Variants in GSTO2 observed in about 807,000 individuals in gnomAD.
GSTO2 encodes glutathione S-transferase omega 2.
Under a neutral mutation model 28.4 loss-of-function variants are expected in GSTO2, and 23 were observed. The observed-to-expected ratio is 0.81, with a 90% CI of 0.58 to 1.15. The LOEUF is 1.15. GSTO2 is among the 50% of genes most tolerant of loss of function. The pLI is 0.00. For synonymous variants in GSTO2, 109 were observed against 111.0 expected (o/e 0.98, Z 0.11); for missense variants, 298 against 297.8 (o/e 1.00, Z 0.00).
rs1457574184 is a variant in GSTO2, at chr10:104,278,115, A to G, written c.365A>G (p.Lys122Arg). ...AAGATGTTATTGGAGCTATTTTGTA[A>G]GGTATATTCAATTTAAAAAGTCACT... ...RQKMLLELFCKVPHLTKECLV... is the reference protein window; with the variant it reads ...RQKMLLELFCRVPHLTKECLV... The change falls in exon 4 of 7, where the codon AAG becomes AGG. Residue 122 changes from lysine (K) to arginine (R), a missense_variant and splice_region_variant. Physicochemically the swap from Lys to Arg is conservative, Grantham distance 26. Coordinates refer to ENST00000338595, the MANE Select transcript of GSTO2 (RefSeq NM_183239.2). 6.2e-7 allele frequency: 1 copy of G among 1,611,232 alleles called. No homozygotes were observed. Among genetic ancestry groups the G allele is most frequent in the Admixed American group, 1.7e-5 (1 of 59,996 alleles).
intron 5 of GSTO2, among the ~76,000 whole-genome samples, chr10:104,290,511 A>G (rs533451563): frequency 6.6e-6 from 1 of 152,172 alleles, no homozygotes; most frequent in African/African-American, 2.4e-5. Flanking sequence ...TCTCAAAAAA[A>G]AAAAAGAAAA....
At position 104,279,486 on chromosome 10, in the gene GSTO2, C is replaced by A. The variant is rs537953127; in HGVS notation, c.468+15C>A. On this transcript the variant is annotated intron_variant, in intron 5 of 6. Transcript: ENST00000338595. ...ACCTGGAAGAGGTACAAAAAGGGGT[C>A]CCTCTCCTGGTCAGCTACAGTGGAG... 15 of 1,581,338 alleles carry A rather than the reference C, an allele frequency of 9.5e-6. No homozygotes were observed. The highest frequency in any genetic ancestry group is 1.3e-5 in the Non-Finnish European group (15 of 1,150,480).
At chr10:104,282,940 A>T (rs1017152675) in intron 5 of GSTO2, among the ~76,000 whole-genome samples, 1 of 152,172 alleles carries the variant, frequency 6.6e-6, no homozygotes, top group Admixed American at 6.5e-5. Context: ...GAGTTTAGGA[A>T]TGTCATTAGT....
rs1245608071 is a variant in GSTO2, at chr10:104,301,230, T to C, written c.*1946T>C. Reference sequence around the variant, plus strand: ...CTTGTCATAAGACCAAAGTTACCACTGATGCAACAGGAAATGGCATGCCTC... The same window carrying C: ...CTTGTCATAAGACCAAAGTTACCACCGATGCAACAGGAAATGGCATGCCTC... On this transcript the variant is annotated 3_prime_UTR_variant, in exon 7 of 7. Transcript: ENST00000338595. 6.6e-6 allele frequency: 1 copy of C among 152,236 alleles called. No homozygotes were observed. 9.4% of individuals were successfully genotyped at this position (152,236 alleles called of 1,614,324 possible).
rs1231170833 is a variant in GSTO2, at chr10:104,297,600, CCTT to C, written c.495_497del (p.Phe166del). ...TAGATTCTTGAGTATCAGAACACCACCTTCTTTGGTGGAACCTGTATATCCATG... is the reference window on the plus strand; with the variant it reads ...TAGATTCTTGAGTATCAGAACACCACCTTTGGTGGAACCTGTATATCCATG... On this transcript the variant is annotated inframe_deletion, in exon 6 of 7. Transcript: ENST00000338595. The C allele has an allele frequency of 6.2e-7, 1 of 1,613,046 alleles. No homozygotes were observed. Among genetic ancestry groups the C allele is most frequent in the Non-Finnish European group, 8.5e-7 (1 of 1,179,294 alleles).
chr10:104,294,694 A>G (rs2012943528), intron 5 of GSTO2, among the ~76,000 whole-genome samples: 1 of 152,212 alleles, frequency 6.6e-6, no homozygotes, highest in Non-Finnish European at 1.5e-5. Flanking sequence ...GGACTGGTGA[A>G]GGATCACCGA....
At chr10:104,284,178 G>A (rs1402719468) in intron 5 of GSTO2, among the ~76,000 whole-genome samples, 1 of 151,874 alleles carries the variant, frequency 6.6e-6, no homozygotes, top group African/African-American at 2.4e-5. Flanking sequence ...TGTACAACAT[G>A]GCAAAACCTT....
chr10:104,277,981 C>G lies in GSTO2; in HGVS notation c.231C>G (p.Thr77=). The change falls in exon 4 of 7, where the codon ACC becomes ACG. Residue 77 remains threonine, a synonymous_variant. Transcript: ENST00000338595. ...TTGGCCACATTCCTGTCCTGGAGAC[C>G]AGCCAATGTCAACTGATCTATGAAT... ...HPFGHIPVLE[T]SQCQLIYESV... The G allele has an allele frequency of 6.2e-7, 1 of 1,613,854 alleles. No individual in the cohort carries two copies. The highest frequency in any genetic ancestry group is 1.1e-5 in the South Asian group (1 of 91,080).
rs1365913426 is a variant in GSTO2 at position 104,304,769 on chromosome 10, G to T, written c.*5485G>T. On this transcript the variant is annotated 3_prime_UTR_variant, in exon 7 of 7. Coordinates refer to ENST00000338595, the MANE Select transcript of GSTO2 (RefSeq NM_183239.2). ...ATGGCTTGATTCATGGTTTGGAGTT[G>T]TTTTCTGGTTGTTTCCTGTGTGCAG... 1 of 152,194 alleles carries T rather than the reference G, an allele frequency of 6.6e-6. No individual in the cohort carries two copies. The highest frequency in any genetic ancestry group is 1.9e-4 in the East Asian group (1 of 5,202). The allele number at this position is 152,194 out of a possible 1,614,324, so 9.4% of individuals were successfully genotyped here.
chr10:104,299,224 G>T lies in GSTO2; in HGVS notation c.672G>T (p.Gln224His). 1 of 1,614,140 alleles carries T rather than the reference G, an allele frequency of 6.2e-7. No homozygotes were observed. Among genetic ancestry groups the T allele is most frequent in the Non-Finnish European group, 8.5e-7 (1 of 1,180,028 alleles). ...CALLMDKSIF[Q>H]GFLNLYFQNN... ...TTCTCATGGATAAGAGCATTTTCCA[G>T]GGCTTCTTGAATCTCTATTTTCAGA... The change falls in exon 7 of 7, where the codon CAG becomes CAT. Residue 224 changes from glutamine (Q) to histidine (H), a missense_variant. Gln to His is a conservative substitution (Grantham distance 24). Coordinates refer to ENST00000338595, the MANE Select transcript of GSTO2 (RefSeq NM_183239.2).
intron 5 of GSTO2, among the ~76,000 whole-genome samples, chr10:104,292,682 C>T (rs1048948455): frequency 1.3e-5 from 2 of 152,142 alleles, no homozygotes; most frequent in African/African-American, 4.8e-5. Flanking sequence ...TCTCGAACTC[C>T]TGGGCTCAAG....
At position 104,299,124 on chromosome 10, in the gene GSTO2, G is replaced by A; in HGVS notation, c.576-4G>A. On this transcript the variant is annotated splice_region_variant and splice_polypyrimidine_tract_variant and intron_variant, in intron 6 of 6. Coordinates refer to ENST00000338595, the MANE Select transcript of GSTO2 (RefSeq NM_183239.2). Reference sequence around the variant, plus strand: ...TGTGCTGACGCTTCTTTCCTGTCTTGCAGCTGTGTGAGCCACACGCCAGCC... The same window carrying A: ...TGTGCTGACGCTTCTTTCCTGTCTTACAGCTGTGTGAGCCACACGCCAGCC... 6.2e-7 allele frequency: 1 copy of A among 1,612,514 alleles called. No homozygotes were observed. Among genetic ancestry groups the A allele is most frequent in the South Asian group, 1.1e-5 (1 of 90,984 alleles).
At chr10:104,273,339 T>C (rs944984800) in intron 1 of GSTO2, among the ~76,000 whole-genome samples, 3 of 152,262 alleles carry the variant, frequency 2.0e-5, no homozygotes, top group Admixed American at 2.0e-4. Context: ...AGAACATTTA[T>C]TCAAACATTT....
At chr10:104,275,073 C>T (rs1301731762) in intron 2 of GSTO2, 124 bp downstream of exon 2, 3 of 1,499,724 alleles carry the variant, frequency 2.0e-6, no homozygotes, top group Non-Finnish European at 2.7e-6. Flanking sequence ...GAGGGCTCTC[C>T]TGAAGAAAAG....
chr10:104,290,947 A>G (rs898799644), intron 5 of GSTO2, among the ~76,000 whole-genome samples: 3 of 152,202 alleles, frequency 2.0e-5, no homozygotes, highest in East Asian at 1.9e-4. Flanking sequence ...TGGATACCCC[A>G]TTCTCCATGA....
chr10:104,277,763 C>T, intron 3 of GSTO2, 131 bp from the exon 4 acceptor site: 2 of 629,082 alleles, frequency 3.2e-6, no homozygotes, highest in Non-Finnish European at 2.8e-6. Context: ...GTATTTTATA[C>T]AAAACTTAAA....
At chr10:104,285,060 T>C (rs1240232940) in intron 5 of GSTO2, among the ~76,000 whole-genome samples, 1 of 152,174 alleles carries the variant, frequency 6.6e-6, no homozygotes, top group East Asian at 1.9e-4. Flanking sequence ...TTGCTTCTTG[T>C]CATTCAACCA....
At chr10:104,278,316 T>G (rs1188554201) in intron 4 of GSTO2, among the ~76,000 whole-genome samples, 200 bp downstream of exon 4, 1 of 152,214 alleles carries the variant, frequency 6.6e-6, no homozygotes, top group Non-Finnish European at 1.5e-5. Flanking sequence ...GCTTCTCCAT[T>G]TCAACTGGCA....
At chr10:104,289,232 A>G (rs775062646) in intron 5 of GSTO2, among the ~76,000 whole-genome samples, 2 of 152,010 alleles carry the variant, frequency 1.3e-5, no homozygotes, top group African/African-American at 2.4e-5. Context: ...CTGAGTGTCT[A>G]GGACTACAGG....
Sources: allele counts gnomAD v4.1 joint callset (sites outside exome capture counted in the v4.1 genomes callset), GRCh38; gene constraint gnomAD v4.1.1; transcripts MANE v1.5; gene names NCBI Gene and HGNC (gene_info 2026-07-23, HGNC 2026-07-21).